FAT4: variants seen among roughly 807,000 people sequenced by gnomAD.
FAT4 encodes the protein protocadherin Fat 4.
Under a neutral mutation model 303.9 loss-of-function variants are expected in FAT4, and 84 were observed. That is an observed-to-expected ratio of 0.28 (90% CI 0.23 to 0.33). FAT4 has a LOEUF of 0.33. Ranked by LOEUF, FAT4 falls within the 10% of genes least tolerant of loss-of-function variation. The probability of loss-of-function intolerance (pLI) is 1.00; values close to 1 mark genes in which losing one functional copy is unlikely to be tolerated. For missense variants in FAT4, 6,005 were observed against 6,146.8 expected (o/e 0.98, Z 0.77); for synonymous variants, 2,307 against 2,298.8 (o/e 1.00, Z -0.10).
At chr4:125,427,970 A>G (rs1725146397) in intron 7 of FAT4, among the ~76,000 whole-genome samples, 1 of 152,164 alleles carries the variant, frequency 6.6e-6, no homozygotes, top group Admixed American at 6.5e-5. Flanking sequence ...CTGATAGAGC[A>G]GTGACCTGAA....
chr4:125,485,993 G>C (rs1560636238), intron 16 of FAT4, among the ~76,000 whole-genome samples: 1 of 152,122 alleles, frequency 6.6e-6, no homozygotes, highest in East Asian at 1.9e-4. Flanking sequence ...CAGGGAGAAG[G>C]AAAACATTAA....
intron 10 of FAT4, among the ~76,000 whole-genome samples, 169 bp downstream of exon 10, chr4:125,452,979 AT>A (rs1404147620): frequency 6.6e-6 from 1 of 152,168 alleles, no homozygotes; most frequent in Non-Finnish European, 1.5e-5. Flanking sequence ...CTTTTTATGT[AT>A]TTGTTTTGTT....
intron 2 of FAT4, among the ~76,000 whole-genome samples, chr4:125,348,643 T>C (rs1347838317): frequency 6.6e-6 from 1 of 151,624 alleles, no homozygotes; most frequent in Non-Finnish European, 1.5e-5. Context: ...CTGGAAAATA[T>C]GTTCAGATTA....
At chr4:125,372,994 T>C (rs1246991584) in intron 2 of FAT4, among the ~76,000 whole-genome samples, 1 of 152,146 alleles carries the variant, frequency 6.6e-6, no homozygotes, top group Non-Finnish European at 1.5e-5. Context: ...GTTTAAAATA[T>C]TTGAAATAAA....
At chr4:125,383,706 C>A (rs1013207426) in intron 2 of FAT4, among the ~76,000 whole-genome samples, 6 of 152,132 alleles carry the variant, frequency 3.9e-5, no homozygotes, top group African/African-American at 1.4e-4. Context: ...TGCAATGAAA[C>A]ATGGTTTTCC....
At chr4:125,344,299 A>C (rs1364031850) in intron 2 of FAT4, among the ~76,000 whole-genome samples, 2 of 152,158 alleles carry the variant, frequency 1.3e-5, no homozygotes, top group Non-Finnish European at 2.9e-5. Flanking sequence ...AAGCAAATTT[A>C]TTAGGTGAAT....
Position 125,449,994 on chromosome 4 carries a change from C to T in FAT4, c.8984C>T (p.Thr2995Ile), listed in dbSNP as rs748587224. ...AAAAGTAAATATTTCACTCCAGTCA[C>T]CAAAAATGTTAAGGTTGGTACGAAG... ...FLKSKYFTPV[T>I]KNVKVGTKLI... Residue 2995 changes from threonine to isoleucine, a missense_variant, in exon 10 of 18, where the codon ACC becomes ATC. Coordinates refer to ENST00000394329, the MANE Select transcript of FAT4 (RefSeq NM_001291303.3). 9 of 1,613,744 alleles carry T rather than the reference C, an allele frequency of 5.6e-6. No individual in the cohort carries two copies. In the South Asian group the frequency reaches 9.9e-5, roughly 18 times the overall value.
intron 2 of FAT4, among the ~76,000 whole-genome samples, chr4:125,337,386 G>T (rs1731615930): frequency 6.6e-6 from 1 of 151,906 alleles, no homozygotes; most frequent in South Asian, 2.1e-4. Context: ...TATTTTTTAA[G>T]GGTTGAACTT....
At chr4:125,334,160 A>C (rs529347438) in intron 2 of FAT4, among the ~76,000 whole-genome samples, 1 of 152,112 alleles carries the variant, frequency 6.6e-6, no homozygotes, top group Non-Finnish European at 1.5e-5. Context: ...TCGGAGTGAG[A>C]AAAGGAGGCT....
At position 125,450,999 on chromosome 4, in the gene FAT4, G is replaced by A. The variant is rs777653719; in HGVS notation, c.9989G>A (p.Gly3330Asp). 2 of 1,614,158 alleles carry A rather than the reference G, an allele frequency of 1.2e-6. No homozygotes were observed. Among genetic ancestry groups the A allele is most frequent in the South Asian group, 1.1e-5 (1 of 91,080 alleles). Residue 3330 changes from glycine to aspartate, a missense_variant, in exon 10 of 18, where the codon GGC becomes GAC. Transcript: ENST00000394329. Reference protein sequence around the residue: ...GEVFASDRDLGTDGEVHYLIF... With the variant: ...GEVFASDRDLDTDGEVHYLIF... ...GTGTTTGCTAGCGACCGTGATTTGG[G>A]CACTGATGGGGAGGTACACTATTTG...
chr4:125,361,325 A>G (rs191961366), intron 2 of FAT4, among the ~76,000 whole-genome samples: 56 of 152,326 alleles, frequency 3.7e-4, no homozygotes, highest in African/African-American at 1.2e-3. Flanking sequence ...GTAACAAGGT[A>G]CAAGGGGAAT....
intron 2 of FAT4, among the ~76,000 whole-genome samples, chr4:125,396,271 T>C (rs1475812560): frequency 1.3e-5 from 2 of 152,126 alleles, no homozygotes; most frequent in Admixed American, 1.3e-4. Flanking sequence ...TATATATGTG[T>C]GTGTAGGTGT....
At chr4:125,447,628 T>G (rs182107597) in intron 9 of FAT4, among the ~76,000 whole-genome samples, 1 of 152,268 alleles carries the variant, frequency 6.6e-6, no homozygotes, top group Non-Finnish European at 1.5e-5. Context: ...AAATTAAAGA[T>G]ATTTTACTTT....
chr4:125,382,535 C>G (rs560985270), intron 2 of FAT4, among the ~76,000 whole-genome samples: 6 of 152,242 alleles, frequency 3.9e-5, no homozygotes, highest in Admixed American at 3.9e-4. Context: ...TTGCTGTCAT[C>G]CAGGGTTTGT....
chr4:125,355,866 G>A (rs1356841155), intron 2 of FAT4, among the ~76,000 whole-genome samples: 1 of 151,956 alleles, frequency 6.6e-6, no homozygotes. Context: ...AGGGCCAGAA[G>A]CCATATTGTC....
intron 3 of FAT4, among the ~76,000 whole-genome samples, chr4:125,406,550 G>C (rs1470588739): frequency 1.3e-5 from 2 of 152,114 alleles, no homozygotes; most frequent in African/African-American, 4.8e-5. Context: ...TTAGGATTTT[G>C]ATATAAATTG....
chr4:125,370,975 G>A lies in FAT4; in HGVS notation c.5176-27809G>A, dbSNP rs539907942. On this transcript the variant is annotated intron_variant, in intron 2 of 17. Coordinates refer to ENST00000394329, the MANE Select transcript of FAT4 (RefSeq NM_001291303.3). ...AGCCTGGCCAACGTGGTGAAACCTC[G>A]TCTCTACTAAAACTACAAAAAAATT... Among the ~76,000 whole-genome samples, 6 of 151,778 alleles carry A rather than the reference G, an allele frequency of 4.0e-5. No homozygotes were observed. In the South Asian group the frequency reaches 8.3e-4, roughly 21 times the overall value.
At chr4:125,349,037 C>G (rs990973017) in intron 2 of FAT4, among the ~76,000 whole-genome samples, 18 of 151,644 alleles carry the variant, frequency 1.2e-4, no homozygotes, top group Middle Eastern at 3.4e-3. Context: ...TTTTCGTTAC[C>G]ACGATTAGGA....
intron 3 of FAT4, among the ~76,000 whole-genome samples, chr4:125,403,371 A>G (rs1295033357): frequency 1.3e-5 from 2 of 152,054 alleles, no homozygotes; most frequent in Non-Finnish European, 2.9e-5. Context: ...AGCACAGGGT[A>G]TATTAAACGC....
Sources: allele counts gnomAD v4.1 joint callset (sites outside exome capture counted in the v4.1 genomes callset), GRCh38; gene constraint gnomAD v4.1.1; transcripts MANE v1.5; gene names NCBI Gene and HGNC (gene_info 2026-07-23, HGNC 2026-07-21).